IVL: variants seen among roughly 807,000 people sequenced by gnomAD.
The protein encoded by IVL is involucrin.
For synonymous variants in IVL, 257 were observed against 271.0 expected, an observed-to-expected ratio of 0.95 and a Z score of 0.51; for missense variants, 722 against 624.9, an observed-to-expected ratio of 1.16 and a Z score of -1.66.
At position 152,911,297 on chromosome 1, in the gene IVL, A is replaced by G. The variant is rs202036206; in HGVS notation, c.1500A>G (p.Pro500=). The G allele has an allele frequency of 2.6e-6, 4 of 1,566,944 alleles. No individual in the cohort carries two copies. The East Asian group carries it at 7.1e-5, about 28-fold the overall frequency. Residue 500 remains proline (P), a synonymous_variant, in exon 2 of 2, where the codon CCA becomes CCG. Coordinates refer to ENST00000368764, the MANE Select transcript of IVL (RefSeq NM_005547.4). ...TCCCAGAGCAGCAGGTAGGACAGCC[A>G]AAGCACCTGGAACAGCAGGAAAAGC... ...LELPEQQVGQ[P]KHLEQQEKHL...
rs1649962381 is a variant in IVL, at chr1:152,910,908, CTG to C, written c.1112_1113del (p.Leu371ProfsTer214). On this transcript the variant is annotated frameshift_variant, in exon 2 of 2. Coordinates refer to ENST00000368764, the MANE Select transcript of IVL (RefSeq NM_005547.4). LOFTEE classifies it low-confidence loss of function (END_TRUNC). ...GQLGLPEQQV[L>X]QLKQLEKQQG... ...GCTGGGGCTCCCAGAGCAGCAGGTG[CTG>C]CAGCTGAAGCAGCTAGAGAAGCAGC... 1 of 1,530,990 alleles carries C rather than the reference CTG, an allele frequency of 6.5e-7. No homozygotes were observed. The highest frequency in any genetic ancestry group is 1.5e-5 in the African/African-American group (1 of 65,620). 94.8% of individuals were successfully genotyped at this position (1,530,990 alleles called of 1,614,324 possible).
At chr1:152,908,861 G>T (rs368509858) in intron 1 of IVL, among the ~76,000 whole-genome samples, 21 of 152,180 alleles carry the variant, frequency 1.4e-4, no homozygotes, top group African/African-American at 5.1e-4. Flanking sequence ...GGGAGGAGGG[G>T]AATAGCATTC....
At position 152,911,487 on chromosome 1, in the gene IVL, G is replaced by A. The variant is rs749410271; in HGVS notation, c.1690G>A (p.Glu564Lys). The A allele has an allele frequency of 6.2e-7, 1 of 1,614,200 alleles. No individual in the cohort carries two copies. The highest frequency in any genetic ancestry group is 8.5e-7 in the Non-Finnish European group (1 of 1,180,026). ...DIQPALPTKG[E>K]VLLPVEHQQQ... The stretch of plus-strand genomic sequence containing the variant: ...TCAACCAGCCCTGCCCACAAAGGGA[G>A]AAGTATTGCTTCCTGTAGAGCACCA... The change falls in exon 2 of 2, where the codon GAA becomes AAA. Residue 564 changes from glutamate (E) to lysine (K), a missense_variant. Glu to Lys is a moderately conservative substitution (Grantham distance 56). Transcript: ENST00000368764.
rs1008000846 is a variant in IVL, at chr1:152,911,287, T to C, written c.1490T>C (p.Val497Ala). The change falls in exon 2 of 2, where the codon GTA becomes GCA. Residue 497 changes from valine (V) to alanine (A), a missense_variant. Coordinates refer to ENST00000368764, the MANE Select transcript of IVL (RefSeq NM_005547.4). Reference sequence around the variant, plus strand: ...CAGCTGGAGCTCCCAGAGCAGCAGGTAGGACAGCCAAAGCACCTGGAACAG... The same window carrying C: ...CAGCTGGAGCTCCCAGAGCAGCAGGCAGGACAGCCAAAGCACCTGGAACAG... ...EAQLELPEQQ[V>A]GQPKHLEQQE... is the part of the protein sequence containing the mutation. 3.2e-6 allele frequency: 5 copies of C among 1,561,964 alleles called. No individual in the cohort carries two copies. Among genetic ancestry groups the C allele is most frequent in the African/African-American group, 1.4e-5 (1 of 72,856 alleles).
chr1:152,909,183 C>G (rs1368291340), intron 1 of IVL, among the ~76,000 whole-genome samples: 2 of 152,112 alleles, frequency 1.3e-5, no homozygotes. Context: ...TTGAATAGGC[C>G]AACCTGCTGG....
Position 152,911,527 on chromosome 1 carries a change from A to T in IVL, c.1730A>T (p.Glu577Val). ...GTAGAGCACCAGCAGCAGAAGCAGG[A>T]GGTGCAGTGGCCACCCAAACATAAA... Reference protein sequence around the residue: ...LPVEHQQQKQEVQWPPKHK With the variant: ...LPVEHQQQKQVVQWPPKHK The change falls in exon 2 of 2, where the codon GAG becomes GTG. Residue 577 changes from glutamate to valine, a missense_variant. By Grantham distance (121) the Glu-to-Val change is moderately radical (BLOSUM62 -2). Coordinates refer to ENST00000368764, the MANE Select transcript of IVL (RefSeq NM_005547.4). 6.2e-7 allele frequency: 1 copy of T among 1,613,354 alleles called. No homozygotes were observed. Among genetic ancestry groups the T allele is most frequent in the East Asian group, 2.2e-5 (1 of 44,870 alleles).
In IVL at chr1:152,910,585, T is replaced by C. The variant is rs1359175633; in HGVS notation, c.788T>C (p.Leu263Pro). The C allele has an allele frequency of 4.5e-6, 7 of 1,550,250 alleles. No individual in the cohort carries two copies. In the East Asian group the frequency reaches 1.7e-4, roughly 38 times the overall value. The change falls in exon 2 of 2, where the codon CTG becomes CCG. Residue 263 changes from leucine to proline, a missense_variant. Transcript: ENST00000368764. Reference sequence around the variant, plus strand: ...CTCTCTGAGCAGCAGGAGGGACAGCTGAAGCACCTGGAGCACCAGGAGGGG... The same window carrying C: ...CTCTCTGAGCAGCAGGAGGGACAGCCGAAGCACCTGGAGCACCAGGAGGGG... ...LELSEQQEGQ[L>P]KHLEHQEGQL...
Position 152,910,276 on chromosome 1 carries a change from A to G in IVL, c.479A>G (p.Glu160Gly), listed in dbSNP as rs1201202885. 1.2e-6 allele frequency: 2 copies of G among 1,613,052 alleles called. No individual in the cohort carries two copies. Among genetic ancestry groups the G allele is most frequent in the African/African-American group, 2.7e-5 (2 of 74,792 alleles). The change falls in exon 2 of 2, where the codon GAG (glutamate) becomes GGG (glycine). Residue 160 changes from glutamate to glycine, a missense_variant. By Grantham distance (98) the Glu-to-Gly change is moderately conservative. Transcript: ENST00000368764. ...EQLLELPEQQEGHLKHLEQQE... is the reference protein window; with the variant it reads ...EQLLELPEQQGGHLKHLEQQE... ...CTGTTGGAGCTCCCAGAGCAGCAGG[A>G]GGGGCACCTGAAGCACCTAGAGCAG... is the stretch of plus-strand genomic sequence containing the variant.
chr1:152,909,728 A>G, intron 1 of IVL, 51 bp from the exon 2 acceptor site: 1 of 1,438,056 alleles, frequency 7.0e-7, no homozygotes, highest in Non-Finnish European at 9.5e-7. Context: ...CCAAGGTTTC[A>G]TCTATTTCCT....
At chr1:152,909,525 G>A (rs984738256) in intron 1 of IVL, among the ~76,000 whole-genome samples, 2 of 152,152 alleles carry the variant, frequency 1.3e-5, no homozygotes, top group Non-Finnish European at 2.9e-5. Flanking sequence ...TTGCAGAACA[G>A]CCCTGCAGAC....
chr1:152,910,779 C>T lies in IVL; in HGVS notation c.982C>T (p.Gln328Ter). 2 of 1,548,472 alleles carry T rather than the reference C, an allele frequency of 1.3e-6. No individual in the cohort carries two copies. Among genetic ancestry groups the T allele is most frequent in the Non-Finnish European group, 8.7e-7 (1 of 1,146,268 alleles). The change falls in exon 2 of 2, where the codon CAG becomes TAG. Residue 328 changes from glutamine (Q) to a stop codon, truncating the protein, a stop_gained. Coordinates refer to ENST00000368764, the MANE Select transcript of IVL (RefSeq NM_005547.4). LOFTEE classifies it low-confidence loss of function (END_TRUNC). ...QQEGQPKHLE[Q>*]QEGQLEQLEE... ...GGAGGGGCAGCCTAAGCATCTGGAG[C>T]AGCAGGAGGGGCAACTGGAGCAGCT...
In IVL at chr1:152,911,466, C is replaced by A. The variant is rs1649996082; in HGVS notation, c.1669C>A (p.Pro557Thr). Residue 557 changes from proline (P) to threonine (T), a missense_variant, in exon 2 of 2, where the codon CCA (proline) becomes ACA (threonine). Coordinates refer to ENST00000368764, the MANE Select transcript of IVL (RefSeq NM_005547.4). ...TCCAGGCCAGGTCCAAGACATTCAACCAGCCCTGCCCACAAAGGGAGAAGT... is the reference window on the plus strand; with the variant it reads ...TCCAGGCCAGGTCCAAGACATTCAAACAGCCCTGCCCACAAAGGGAGAAGT... ...PAPGQVQDIQ[P>T]ALPTKGEVLL... 2 of 1,614,092 alleles carry A rather than the reference C, an allele frequency of 1.2e-6. No homozygotes were observed. Among genetic ancestry groups the A allele is most frequent in the South Asian group, 2.2e-5 (2 of 91,086 alleles).
At chr1:152,909,723 G>T in intron 1 of IVL, 56 bp from the exon 2 acceptor site, 2 of 1,409,648 alleles carry the variant, frequency 1.4e-6, no homozygotes, top group South Asian at 2.7e-5. Flanking sequence ...GATTCCCAAG[G>T]TTTCATCTAT....
chr1:152,910,937 G>A lies in IVL; in HGVS notation c.1140G>A (p.Gln380=). The A allele has an allele frequency of 6.4e-7, 1 of 1,550,554 alleles. No homozygotes were observed. The highest frequency in any genetic ancestry group is 8.7e-7 in the Non-Finnish European group (1 of 1,146,816). The change falls in exon 2 of 2, where the codon CAG becomes CAA. Residue 380 remains glutamine (Q), a synonymous_variant. Coordinates refer to ENST00000368764, the MANE Select transcript of IVL (RefSeq NM_005547.4). ...VLQLKQLEKQ[Q]GQPKHLEEEE... ...AGCTGAAGCAGCTAGAGAAGCAGCAGGGGCAGCCAAAGCACCTGGAGGAGG... is the reference window on the plus strand; with the variant it reads ...AGCTGAAGCAGCTAGAGAAGCAGCAAGGGCAGCCAAAGCACCTGGAGGAGG...
At chr1:152,909,708 C>T (rs766487965) in intron 1 of IVL, 71 bp from the exon 2 acceptor site, 21 of 1,262,270 alleles carry the variant, frequency 1.7e-5, no homozygotes, top group East Asian at 2.4e-5. Context: ...CCAGATACTT[C>T]TGCAGATTCC....
rs1649915887 is a variant in IVL at position 152,910,370 on chromosome 1, GCA to G, written c.574_575del (p.Gln192AlafsTer55). ...TGGAGCTCCCAGAGCAGCAGGAGGG[GCA>G]GCTGGAGCTCCCAGAGCAGCAGGAG... The part of the protein sequence containing the change: ...QLELPEQQEG[Q>X]LELPEQQEGQ... On this transcript the variant is annotated frameshift_variant, in exon 2 of 2. Transcript: ENST00000368764. LOFTEE classifies it low-confidence loss of function (END_TRUNC). The G allele has an allele frequency of 6.7e-7, 1 of 1,487,656 alleles. No individual in the cohort carries two copies. The highest frequency in any genetic ancestry group is 8.9e-7 in the Non-Finnish European group (1 of 1,122,180). 92.2% of individuals were successfully genotyped at this position (1,487,656 alleles called of 1,614,324 possible).
In IVL at chr1:152,911,060, G is replaced by T. The variant is rs1235743637; in HGVS notation, c.1263G>T (p.Glu421Asp). Residue 421 changes from glutamate to aspartate, a missense_variant, in exon 2 of 2, where the codon GAG (glutamate) becomes GAT (aspartate). Coordinates refer to ENST00000368764, the MANE Select transcript of IVL (RefSeq NM_005547.4). Reference sequence around the variant, plus strand: ...TGGAGCAGCAGGAGAGGCAGGTGGAGCACCTGGAGCAGCAGGTGGGGCAGC... The same window carrying T: ...TGGAGCAGCAGGAGAGGCAGGTGGATCACCTGGAGCAGCAGGTGGGGCAGC... ...GQLEQQERQVEHLEQQVGQLK... is the reference protein window; with the variant it reads ...GQLEQQERQVDHLEQQVGQLK... 2 of 1,551,120 alleles carry T rather than the reference G, an allele frequency of 1.3e-6. No individual in the cohort carries two copies. Among genetic ancestry groups the T allele is most frequent in the Non-Finnish European group, 1.7e-6 (2 of 1,146,884 alleles).
Position 152,910,392 on chromosome 1 carries a change from C to T in IVL, c.595C>T (p.Gln199Ter). 1 of 618,696 alleles carries T rather than the reference C, an allele frequency of 1.6e-6. No homozygotes were observed. Among genetic ancestry groups the T allele is most frequent in the African/African-American group, 1.9e-5 (1 of 52,504 alleles). 38.3% of individuals were successfully genotyped at this position (618,696 alleles called of 1,614,324 possible). The change falls in exon 2 of 2, where the codon CAG (glutamine) becomes TAG (stop). Residue 199 changes from glutamine to a stop codon, truncating the protein, a stop_gained. Transcript: ENST00000368764. LOFTEE classifies it low-confidence loss of function (END_TRUNC). ...GGGGCAGCTGGAGCTCCCAGAGCAG[C>T]AGGAGGGGCAGCTGGAGCTCCCAGA... ...QEGQLELPEQQEGQLELPEQQ... is the reference protein window; with the variant it reads ...QEGQLELPEQ
Position 152,908,887 on chromosome 1 carries a change from C to T in IVL, c.-20+298C>T, listed in dbSNP as rs191978204. On this transcript the variant is annotated intron_variant, in intron 1 of 1. Transcript: ENST00000368764. ...AATAGCATTCAACTTCTTTCCTAAACCTCTTGGGTTTTGACAGACCATCAT... is the reference window on the plus strand; with the variant it reads ...AATAGCATTCAACTTCTTTCCTAAATCTCTTGGGTTTTGACAGACCATCAT... 2.6e-5 allele frequency among the ~76,000 whole-genome samples: 4 copies of T among 152,286 alleles called. No homozygotes were observed. The East Asian group carries it at 7.7e-4, about 29-fold the overall frequency.
Sources: allele counts gnomAD v4.1 joint callset (sites outside exome capture counted in the v4.1 genomes callset), GRCh38; gene constraint gnomAD v4.1.1; transcripts MANE v1.5; gene names NCBI Gene and HGNC (gene_info 2026-07-23, HGNC 2026-07-21).